The following PLCB4 variants were observed in gnomAD, a reference collection of about 807,000 sequenced individuals.
PLCB4 encodes the protein phospholipase C beta 4.
PLCB4 carries 77 observed loss-of-function variants against 178.8 expected under a neutral mutation model. The ratio of observed to expected loss-of-function variants is 0.43; its 90% CI spans 0.36 to 0.52. PLCB4 has a LOEUF of 0.52. PLCB4 is among the 20% of genes least tolerant of loss of function. The probability of loss-of-function intolerance (pLI) is 0.00; values close to 1 mark genes in which losing one functional copy is unlikely to be tolerated. For synonymous variants in PLCB4, 496 were observed against 490.8 expected (o/e 1.01, Z -0.14); for missense variants, 1,024 against 1,453.4 (o/e 0.70, Z 4.80).
rs1471005402 is a variant in PLCB4, at chr20:9,436,987, A to G, written c.2614-15A>G. 1 of 1,613,292 alleles carries G rather than the reference A, an allele frequency of 6.2e-7. No individual in the cohort carries two copies. Among genetic ancestry groups the G allele is most frequent in the Non-Finnish European group, 8.5e-7 (1 of 1,179,408 alleles). On this transcript the variant is annotated splice_polypyrimidine_tract_variant and intron_variant, in intron 29 of 39. Transcript: ENST00000378473. Reference sequence around the variant, plus strand: ...GTGACATTCATTTGGGTCAATGTAAATGTTTCTGTTCCAGAGTGACATAGC... The same window carrying G: ...GTGACATTCATTTGGGTCAATGTAAGTGTTTCTGTTCCAGAGTGACATAGC...
intron 2 of PLCB4, among the ~76,000 whole-genome samples, chr20:9,168,499 G>A (rs1188433433): frequency 1.3e-5 from 2 of 152,222 alleles, no homozygotes; most frequent in Non-Finnish European, 1.5e-5. Context: ...TAATGTGCGT[G>A]TGAATCATTT....
chr20:9,390,098 G>C (rs926921972), intron 16 of PLCB4, 140 bp downstream of exon 16: 2 of 569,710 alleles, frequency 3.5e-6, no homozygotes, highest in African/African-American at 1.9e-5. Context: ...TCCAGCAAGG[G>C]CACCTACTCT....
chr20:9,366,935 G>A (rs1272846220), intron 9 of PLCB4, among the ~76,000 whole-genome samples: 2 of 152,210 alleles, frequency 1.3e-5, no homozygotes, highest in Non-Finnish European at 2.9e-5. Flanking sequence ...GAATTGATCT[G>A]TCTTTCAGAA....
At chr20:9,096,922 C>A (rs1407610717) in intron 2 of PLCB4, among the ~76,000 whole-genome samples, 1 of 151,958 alleles carries the variant, frequency 6.6e-6, no homozygotes, top group African/African-American at 2.4e-5. Context: ...AGCTTAGGAG[C>A]CACTTTGGCT....
At chr20:9,131,971 A>T (rs1031017910) in intron 2 of PLCB4, among the ~76,000 whole-genome samples, 3 of 152,276 alleles carry the variant, frequency 2.0e-5, no homozygotes, top group Middle Eastern at 3.4e-3. Context: ...GCCGTCTCGC[A>T]TGTTCCAGCC....
chr20:9,321,885 G>A (rs191488281), intron 4 of PLCB4, among the ~76,000 whole-genome samples: 2 of 152,012 alleles, frequency 1.3e-5, no homozygotes, highest in East Asian at 3.9e-4. Context: ...GCCTGCCTCA[G>A]CCTCCCAAAG....
chr20:9,248,926 T>C (rs2094151893), intron 3 of PLCB4, among the ~76,000 whole-genome samples: 1 of 152,222 alleles, frequency 6.6e-6, no homozygotes, highest in Admixed American at 6.5e-5. Context: ...ATCAAGGGGC[T>C]GGCAGAGCTG....
intron 2 of PLCB4, among the ~76,000 whole-genome samples, chr20:9,142,082 A>G (rs1008292401): frequency 4.6e-5 from 7 of 152,144 alleles, no homozygotes; most frequent in African/African-American, 1.7e-4. Flanking sequence ...AAGTCATATC[A>G]TAAAACCTGT....
At chr20:9,397,262 G>A (rs1207121199) in intron 19 of PLCB4, among the ~76,000 whole-genome samples, 3 of 152,182 alleles carry the variant, frequency 2.0e-5, no homozygotes, top group Admixed American at 2.0e-4. Context: ...ATCGGTTTAA[G>A]TTTTATCATG....
At chr20:9,185,581 C>T (rs545843205) in intron 2 of PLCB4, among the ~76,000 whole-genome samples, 5 of 152,086 alleles carry the variant, frequency 3.3e-5, no homozygotes, top group African/African-American at 7.2e-5. Context: ...CACTCAGCAC[C>T]GAAAGTGACT....
chr20:9,218,442 A>G (rs1026207232), intron 3 of PLCB4, among the ~76,000 whole-genome samples: 12 of 152,184 alleles, frequency 7.9e-5, no homozygotes, highest in African/African-American at 2.7e-4. Flanking sequence ...CAAGTAAAGC[A>G]TTTGGACTAT....
chr20:9,271,796 C>T (rs549176187), intron 3 of PLCB4, among the ~76,000 whole-genome samples: 17 of 152,164 alleles, frequency 1.1e-4, no homozygotes, highest in Admixed American at 4.6e-4. Flanking sequence ...AGAAGTCACA[C>T]GTAACATCAG....
intron 26 of PLCB4, among the ~76,000 whole-genome samples, chr20:9,420,904 T>C (rs73248752): frequency 6.6e-6 from 1 of 152,322 alleles, no homozygotes; most frequent in African/African-American, 2.4e-5. Flanking sequence ...TCTAAAAGAA[T>C]TCATTAATAA....
At chr20:9,072,972 A>G (rs1181597562) in intron 1 of PLCB4, among the ~76,000 whole-genome samples, 1 of 152,194 alleles carries the variant, frequency 6.6e-6, no homozygotes, top group African/African-American at 2.4e-5. Flanking sequence ...AGAATGTCAC[A>G]CACCATGTGA....
chr20:9,074,958 C>T (rs1486160644), intron 1 of PLCB4, among the ~76,000 whole-genome samples: 2 of 151,928 alleles, frequency 1.3e-5, no homozygotes, highest in Non-Finnish European at 2.9e-5. Context: ...CATGGAGTTT[C>T]TCGGAGAGTA....
At chr20:9,178,345 A>G (rs2093188905) in intron 2 of PLCB4, among the ~76,000 whole-genome samples, 1 of 152,090 alleles carries the variant, frequency 6.6e-6, no homozygotes, top group Non-Finnish European at 1.5e-5. Context: ...ATAAATAAAT[A>G]AAAATAATTT....
intron 2 of PLCB4, among the ~76,000 whole-genome samples, chr20:9,206,982 G>T (rs892121215): frequency 1.3e-5 from 2 of 152,088 alleles, no homozygotes; most frequent in East Asian, 1.9e-4. Context: ...CTGGCATGGT[G>T]GTGGGTGCCT....
chr20:9,191,698 C>G (rs1008246395), intron 2 of PLCB4, among the ~76,000 whole-genome samples: 1 of 151,954 alleles, frequency 6.6e-6, no homozygotes, highest in African/African-American at 2.4e-5. Context: ...AAATATACCC[C>G]GAGTCCCTCT....
chr20:9,079,181 G>A (rs1293191637), intron 1 of PLCB4, among the ~76,000 whole-genome samples: 1 of 152,224 alleles, frequency 6.6e-6, no homozygotes, highest in African/African-American at 2.4e-5. Flanking sequence ...TGAAAGCACA[G>A]TGGAGGGCAC....
Sources: gnomAD v4.1 joint callset for allele counts (sites outside exome capture counted in the v4.1 genomes callset) on GRCh38, gnomAD v4.1.1 for gene constraint, MANE v1.5 for transcripts, NCBI Gene and HGNC (gene_info 2026-07-23, HGNC 2026-07-21) for gene names.